Variants in PARN observed in about 807,000 individuals in gnomAD.
PARN encodes the protein poly(A)-specific ribonuclease, also known as poly(A)-specific ribonuclease PARN.
PARN carries 71 observed loss-of-function variants against 102.8 expected under a neutral mutation model. The observed-to-expected ratio is 0.69, with a 90% CI of 0.57 to 0.84. The LOEUF (loss-of-function observed/expected upper bound fraction) is 0.84, where lower values mean the gene tolerates loss of function less well. Ranked by LOEUF, PARN falls within the 40% of genes least tolerant of loss-of-function variation. PARN has a pLI of 0.00. For synonymous variants in PARN, 261 were observed against 252.9 expected (o/e 1.03, Z -0.30); for missense variants, 782 against 760.9 (o/e 1.03, Z -0.33).
chr16:14,515,272 GGCT>G (rs145749787), intron 21 of PARN, among the ~76,000 whole-genome samples: 6,415 of 152,154 alleles, frequency 0.042, 144 homozygotes, highest in African/African-American at 0.05. Flanking sequence ...CACCACTCCT[GGCT>G]GCTAACTTTT....
At chr16:14,438,072 C>T (rs920160946) in intron 23 of PARN, among the ~76,000 whole-genome samples, 6 of 152,020 alleles carry the variant, frequency 3.9e-5, no homozygotes, top group African/African-American at 7.3e-5. Flanking sequence ...GTAAAGATGG[C>T]GAGACCACTC....
intron 21 of PARN, among the ~76,000 whole-genome samples, chr16:14,544,984 C>G (rs1334981568): frequency 6.6e-6 from 1 of 152,042 alleles, no homozygotes; most frequent in Non-Finnish European, 1.5e-5. Context: ...CTCAACAGTT[C>G]AAGGTCAGCC....
At chr16:14,499,011 G>A (rs4782163) in intron 21 of PARN, among the ~76,000 whole-genome samples, 149,778 of 152,352 alleles carry the variant, frequency 0.98, 73,796 homozygotes, top group Middle Eastern at 1. Context: ...TTTTGATTTT[G>A]AAGTCCCATC....
At chr16:14,612,294 G>C (rs1971563423) in intron 6 of PARN, among the ~76,000 whole-genome samples, 1 of 151,968 alleles carries the variant, frequency 6.6e-6, no homozygotes, top group South Asian at 2.1e-4. Flanking sequence ...AAAATTAGCT[G>C]GGCATGGTGG....
chr16:14,470,440 T>TGATGATGATGATGATGATG (rs1170896033), intron 22 of PARN, among the ~76,000 whole-genome samples: 1 of 98,774 alleles, frequency 1.0e-5, no homozygotes, highest in African/African-American at 2.9e-5. Context: ...TTTGGATGAT[T>TGATGATGATGATGATGATG]ATTATTATTA....
chr16:14,554,773 G>A (rs938091186), intron 19 of PARN, among the ~76,000 whole-genome samples: 1 of 151,058 alleles, frequency 6.6e-6, no homozygotes, highest in Non-Finnish European at 1.5e-5. Context: ...AAAAAAAAAC[G>A]CTGCTCTGTT....
At chr16:14,577,236 G>C (rs963638266) in intron 18 of PARN, among the ~76,000 whole-genome samples, 22 of 152,122 alleles carry the variant, frequency 1.4e-4, no homozygotes, top group Non-Finnish European at 2.2e-4. Context: ...AAAATCATCA[G>C]CTTGAGATAA....
At chr16:14,496,146 T>C (rs898799505) in intron 21 of PARN, among the ~76,000 whole-genome samples, 1 of 152,136 alleles carries the variant, frequency 6.6e-6, no homozygotes, top group Non-Finnish European at 1.5e-5. Flanking sequence ...AGAGGTTGAG[T>C]GGCCTGCTGA....
chr16:14,604,926 A>G (rs1396059786), intron 10 of PARN, among the ~76,000 whole-genome samples: 1 of 145,898 alleles, frequency 6.9e-6, no homozygotes, highest in Non-Finnish European at 1.5e-5. Flanking sequence ...AGAAGTTGTA[A>G]TTTTTGTAAC....
At chr16:14,504,613 G>A (rs903518095) in intron 21 of PARN, among the ~76,000 whole-genome samples, 6 of 151,926 alleles carry the variant, frequency 3.9e-5, no homozygotes, top group Non-Finnish European at 8.8e-5. Flanking sequence ...AGTAGGGAGA[G>A]GGGAGAAAAA....
At chr16:14,572,872 T>C (rs1306449236) in intron 18 of PARN, among the ~76,000 whole-genome samples, 2 of 152,046 alleles carry the variant, frequency 1.3e-5, no homozygotes, top group Non-Finnish European at 2.9e-5. Flanking sequence ...TCCTAGCATG[T>C]TAGATCTTTT....
At chr16:14,590,278 A>G (rs1396143173) in intron 13 of PARN, among the ~76,000 whole-genome samples, 2 of 150,880 alleles carry the variant, frequency 1.3e-5, no homozygotes, top group African/African-American at 2.4e-5. Context: ...AGAAGAGAAA[A>G]AAAAAAAAAA....
chr16:14,512,570 T>G lies in PARN; in HGVS notation c.1481-29743A>C, dbSNP rs1003448860. On this transcript the variant is annotated intron_variant, in intron 21 of 23. Transcript: ENST00000437198. ...TAAAGACACCTGGGGGAATGGTGTG[T>G]CTATGAGGAGGAGGCTCACTGTCTT... is the stretch of plus-strand genomic sequence containing the variant. Among the ~76,000 whole-genome samples, 4 of 152,262 alleles carry G rather than the reference T, an allele frequency of 2.6e-5. No individual in the cohort carries two copies. In the South Asian group the frequency reaches 6.2e-4, roughly 24 times the overall value.
At chr16:14,459,852 T>C (rs1460302808) in intron 22 of PARN, among the ~76,000 whole-genome samples, 5 of 152,192 alleles carry the variant, frequency 3.3e-5, no homozygotes, top group African/African-American at 1.2e-4. Flanking sequence ...CATACGTATA[T>C]GACCAAATGA....
At chr16:14,569,931 T>C (rs951768954) in intron 18 of PARN, among the ~76,000 whole-genome samples, 3 of 152,094 alleles carry the variant, frequency 2.0e-5, no homozygotes, top group African/African-American at 7.2e-5. Flanking sequence ...AGTTGTATAT[T>C]TTACCAAATT....
At chr16:14,613,169 C>T (rs1472072106) in intron 6 of PARN, among the ~76,000 whole-genome samples, 5 of 151,702 alleles carry the variant, frequency 3.3e-5, no homozygotes, top group Admixed American at 2.0e-4. Context: ...ATTAGCCGGG[C>T]GTGGTGGCAC....
chr16:14,455,040 C>A (rs1596445642), intron 22 of PARN, among the ~76,000 whole-genome samples: 1 of 152,090 alleles, frequency 6.6e-6, no homozygotes, highest in South Asian at 2.1e-4. Context: ...CACAGTAGCA[C>A]CAAATGAATG....
chr16:14,487,335 A>G (rs1963767782), intron 21 of PARN, among the ~76,000 whole-genome samples: 1 of 152,238 alleles, frequency 6.6e-6, no homozygotes, highest in Non-Finnish European at 1.5e-5. Flanking sequence ...ATTTATATGC[A>G]TTTTGTTTAT....
chr16:14,536,927 T>C (rs1384652157), intron 21 of PARN, among the ~76,000 whole-genome samples: 1 of 151,874 alleles, frequency 6.6e-6, no homozygotes, highest in African/African-American at 2.4e-5. Flanking sequence ...CAGGCAACAA[T>C]AAAATAACAG....
Sources: allele counts gnomAD v4.1 joint callset (sites outside exome capture counted in the v4.1 genomes callset), GRCh38; gene constraint gnomAD v4.1.1; transcripts MANE v1.5; gene names NCBI Gene and HGNC (gene_info 2026-07-23, HGNC 2026-07-21).